Variants in ERC1 observed in about 807,000 individuals in gnomAD.
ERC1 encodes ELKS/RAB6-interacting/CAST family member 1, also known as RAB6 interacting protein 2.
A neutral mutation model predicts 132.0 loss-of-function variants in ERC1; 56 were observed. The observed-to-expected ratio is 0.42, with a 90% confidence interval of 0.34 to 0.53. The LOEUF (loss-of-function observed/expected upper bound fraction) is 0.53, where lower values mean the gene tolerates loss of function less well. Ranked by LOEUF, ERC1 falls within the 20% of genes least tolerant of loss-of-function variation. ERC1 has a pLI of 0.03. For missense variants in ERC1, 1,202 were observed against 1,349.9 expected (o/e 0.89, Z 1.72); for synonymous variants, 478 against 476.1 (o/e 1.00, Z -0.05).
chr12:997,258 T>C (rs1464403462), intron 1 of ERC1, among the ~76,000 whole-genome samples: 1 of 152,212 alleles, frequency 6.6e-6, no homozygotes, highest in Admixed American at 6.5e-5. Flanking sequence ...TTGACTTGGT[T>C]ACTTGACTGA....
chr12:1,348,381 A>C (rs2084680291), intron 15 of ERC1, among the ~76,000 whole-genome samples: 1 of 152,150 alleles, frequency 6.6e-6, no homozygotes, highest in African/African-American at 2.4e-5. Context: ...GAATCAGCTT[A>C]AGGGGAAAAA....
chr12:1,140,863 A>G (rs564862076), intron 7 of ERC1, among the ~76,000 whole-genome samples: 2 of 152,292 alleles, frequency 1.3e-5, no homozygotes, highest in South Asian at 2.1e-4. Flanking sequence ...AGTTTTTTAT[A>G]TGGGTTATAT....
At chr12:1,133,225 A>C (rs918591566) in intron 7 of ERC1, among the ~76,000 whole-genome samples, 5 of 151,778 alleles carry the variant, frequency 3.3e-5, no homozygotes, top group African/African-American at 1.2e-4. Flanking sequence ...AGGTAGTGGT[A>C]GATTAATATA....
chr12:1,073,439 G>A (rs1444173945), intron 2 of ERC1, among the ~76,000 whole-genome samples: 2 of 152,046 alleles, frequency 1.3e-5, no homozygotes, highest in Non-Finnish European at 2.9e-5. Context: ...ATAACCTGAG[G>A]TCAGGAGTTT....
chr12:1,395,407 G>GTTTTT (rs57837323), intron 16 of ERC1, among the ~76,000 whole-genome samples: 1 of 141,794 alleles, frequency 7.1e-6, no homozygotes, highest in Non-Finnish European at 1.6e-5. Flanking sequence ...AAATTTTGTA[G>GTTTTT]TTTTTTTTTT....
At chr12:1,256,854 G>T (rs1042712227) in intron 13 of ERC1, among the ~76,000 whole-genome samples, 6 of 150,548 alleles carry the variant, frequency 4.0e-5, no homozygotes, top group African/African-American at 1.5e-4. Flanking sequence ...TTGAGGTCCT[G>T]TTAGCCTAAA....
intron 16 of ERC1, among the ~76,000 whole-genome samples, chr12:1,376,864 C>T (rs1446669595): frequency 3.3e-5 from 5 of 152,144 alleles, no homozygotes; most frequent in Non-Finnish European, 7.4e-5. Flanking sequence ...AAAAAAGAAA[C>T]GGTGCGATTT....
At chr12:1,254,157 C>T (rs934239416) in intron 13 of ERC1, among the ~76,000 whole-genome samples, 6 of 152,200 alleles carry the variant, frequency 3.9e-5, no homozygotes, top group South Asian at 2.1e-4. Flanking sequence ...TCTAAAGATA[C>T]TGCTTTCATT....
chr12:1,476,740 C>G (rs558531809), intron 18 of ERC1, among the ~76,000 whole-genome samples: 2 of 152,130 alleles, frequency 1.3e-5, no homozygotes, highest in Non-Finnish European at 2.9e-5. Flanking sequence ...AAGCTTTACA[C>G]AGGTCTATAC....
In ERC1 at chr12:1,418,639, CTT is replaced by C. The variant is rs1491287880; in HGVS notation, c.3024+10394_3024+10395del. ...TCTTTCTTTCTTTCTTTCTTTCTTT[CTT>C]TCTCTCTCTCTCTCTCTCTCTTTCT... On this transcript the variant is annotated intron_variant, in intron 17 of 18. Coordinates refer to ENST00000360905, the MANE Select transcript of ERC1 (RefSeq NM_178040.4). Among the ~76,000 whole-genome samples, 880 of 102,944 alleles carry C rather than the reference CTT, an allele frequency of 8.5e-3. 12 individuals carry two copies. The highest frequency in any genetic ancestry group is 0.033 in the African/African-American group (645 of 19,304). The allele number at this position is 102,944 out of a possible 152,430, so 67.5% of individuals were successfully genotyped here.
intron 2 of ERC1, among the ~76,000 whole-genome samples, chr12:1,038,023 C>T (rs1196323409): frequency 1.4e-5 from 2 of 147,994 alleles, no homozygotes; most frequent in African/African-American, 2.5e-5. Flanking sequence ...CCAGCCTGGG[C>T]GACAGAGCAA....
intron 15 of ERC1, among the ~76,000 whole-genome samples, chr12:1,313,724 G>T (rs1308893700): frequency 6.6e-6 from 1 of 151,922 alleles, no homozygotes; most frequent in Non-Finnish European, 1.5e-5. Flanking sequence ...GGTGGCTCAT[G>T]CCTGTAATCC....
chr12:1,127,208 C>T (rs993353542), intron 7 of ERC1, among the ~76,000 whole-genome samples: 3 of 152,096 alleles, frequency 2.0e-5, no homozygotes, highest in African/African-American at 4.8e-5. Flanking sequence ...TGTGAGATAA[C>T]ATTCAGTGCT....
intron 1 of ERC1, among the ~76,000 whole-genome samples, chr12:1,016,713 C>T (rs1043591797): frequency 6.8e-6 from 1 of 146,862 alleles, no homozygotes; most frequent in Non-Finnish European, 1.5e-5. Flanking sequence ...GGTGCGATCT[C>T]GATCTCGGCT....
rs141301622 is a variant in ERC1 at position 1,206,964 on chromosome 12, C to G, written c.2351+16912C>G. ...ACCTTGAGCAGTAGGATATAAATAACTACCACAAGCTTAGCATTCCAGTAA... is the reference window on the plus strand; with the variant it reads ...ACCTTGAGCAGTAGGATATAAATAAGTACCACAAGCTTAGCATTCCAGTAA... On this transcript the variant is annotated intron_variant, in intron 12 of 18. Transcript: ENST00000360905. 5.8e-3 allele frequency among the ~76,000 whole-genome samples: 876 copies of G among 152,182 alleles called. 2 individuals carry two copies. Among genetic ancestry groups the G allele is most frequent in the Non-Finnish European group, 9.6e-3 (653 of 67,954 alleles).
At chr12:996,119 C>T (rs1345107055) in intron 1 of ERC1, among the ~76,000 whole-genome samples, 1 of 148,892 alleles carries the variant, frequency 6.7e-6, no homozygotes, top group Non-Finnish European at 1.5e-5. Context: ...GATGGAGTCT[C>T]TCTTTGTTGC....
chr12:1,410,661 CGTT>C (rs773208011), intron 17 of ERC1, among the ~76,000 whole-genome samples: 27 of 132,404 alleles, frequency 2.0e-4, no homozygotes, highest in Middle Eastern at 4.4e-3. Context: ...TTTTTTTTCT[CGTT>C]GTGTGTTAAT....
intron 18 of ERC1, among the ~76,000 whole-genome samples, chr12:1,474,866 C>CG (rs1301431890): frequency 6.6e-6 from 1 of 152,204 alleles, no homozygotes; most frequent in African/African-American, 2.4e-5. Flanking sequence ...CTTCCCTGCA[C>CG]AGTGGTAGGG....
At chr12:1,290,577 A>G (rs1009621949) in intron 15 of ERC1, among the ~76,000 whole-genome samples, 3 of 152,200 alleles carry the variant, frequency 2.0e-5, no homozygotes, top group Non-Finnish European at 4.4e-5. Flanking sequence ...GTTGTGAAGC[A>G]TGTATACATC....
Sources: gnomAD v4.1 joint callset for allele counts (sites outside exome capture counted in the v4.1 genomes callset) on GRCh38, gnomAD v4.1.1 for gene constraint, MANE v1.5 for transcripts, NCBI Gene and HGNC (gene_info 2026-07-23, HGNC 2026-07-21) for gene names.